The following GALNT8 variants were observed in gnomAD, a reference collection of about 807,000 sequenced individuals.
GALNT8 encodes the protein probable polypeptide N-acetylgalactosaminyltransferase 8.
A neutral mutation model predicts 62.7 loss-of-function variants in GALNT8; 66 were observed. That is an observed-to-expected ratio of 1.05 (90% confidence interval 0.86 to 1.29). GALNT8 has a LOEUF of 1.29. Ranked by LOEUF, GALNT8 falls within the 50% of genes most tolerant of loss-of-function variation. The pLI, the probability that GALNT8 is intolerant of heterozygous loss-of-function variation, is 0.00. For synonymous variants in GALNT8, 288 were observed against 294.3 expected (o/e 0.98, Z 0.22); for missense variants, 771 against 791.8 (o/e 0.97, Z 0.32).
chr12:4,766,765 A>C (rs187353406), intron 10 of GALNT8, among the ~76,000 whole-genome samples: 1 of 152,022 alleles, frequency 6.6e-6, no homozygotes, highest in Non-Finnish European at 1.5e-5. Context: ...TGAATGCGGT[A>C]CTATGCTTGG....
chr12:4,744,445 G>C (rs1946286593), intron 3 of GALNT8, 72 bp from the exon 4 acceptor site: 1 of 1,036,932 alleles, frequency 9.6e-7, no homozygotes, highest in South Asian at 1.6e-5. Context: ...ACTAATATAT[G>C]ATAGTATAAA....
intron 3 of GALNT8, among the ~76,000 whole-genome samples, chr12:4,741,520 C>T (rs1946272057): frequency 6.6e-6 from 1 of 151,660 alleles, no homozygotes; most frequent in South Asian, 2.1e-4. Context: ...GACTCAGGGT[C>T]TTCATGAGGC....
chr12:4,766,915 T>G (rs530252464), intron 10 of GALNT8, among the ~76,000 whole-genome samples: 93 of 151,692 alleles, frequency 6.1e-4, no homozygotes, highest in Non-Finnish European at 1.3e-3. Context: ...TTGCTTACAG[T>G]TTCAGAGGTT....
chr12:4,759,036 A>C (rs1022111193), intron 6 of GALNT8, among the ~76,000 whole-genome samples: 15 of 152,138 alleles, frequency 9.9e-5, no homozygotes, highest in African/African-American at 3.6e-4. Flanking sequence ...TCGGCCTCCC[A>C]AATTGCTGGG....
intron 4 of GALNT8, 44 bp downstream of exon 4, chr12:4,744,744 A>C (rs1946289230): frequency 2.2e-6 from 3 of 1,386,880 alleles, no homozygotes; most frequent in Non-Finnish European, 2.0e-6. Context: ...GGCAGAGAGG[A>C]GATATTGTGC....
intron 2 of GALNT8, among the ~76,000 whole-genome samples, chr12:4,728,659 A>G (rs1244130279): frequency 2.6e-5 from 4 of 152,112 alleles, no homozygotes; most frequent in East Asian, 3.8e-4. Flanking sequence ...ATTGAAATCA[A>G]TTGGTGATAA....
chr12:4,769,100 C>T (rs1295280990), intron 10 of GALNT8, among the ~76,000 whole-genome samples: 1 of 152,090 alleles, frequency 6.6e-6, no homozygotes, highest in Non-Finnish European at 1.5e-5. Context: ...AGATAGTGTG[C>T]CACTGAAATA....
At chr12:4,728,214 ATTTTT>A (rs35083515) in intron 2 of GALNT8, among the ~76,000 whole-genome samples, 2 of 149,790 alleles carry the variant, frequency 1.3e-5, no homozygotes, top group Non-Finnish European at 3.0e-5. Context: ...AAATTGGCTT[ATTTTT>A]TTTTTTATTA....
intron 3 of GALNT8, among the ~76,000 whole-genome samples, chr12:4,739,984 G>T (rs1006120389): frequency 1.3e-5 from 2 of 151,992 alleles, no homozygotes; most frequent in Non-Finnish European, 2.9e-5. Flanking sequence ...CCCCTCTTAT[G>T]CACCATGAAG....
At chr12:4,727,722 A>G (rs951817983) in intron 2 of GALNT8, among the ~76,000 whole-genome samples, 3 of 152,112 alleles carry the variant, frequency 2.0e-5, no homozygotes, top group African/African-American at 7.2e-5. Flanking sequence ...ATAATATTTC[A>G]TTGTCTGGAT....
intron 3 of GALNT8, among the ~76,000 whole-genome samples, chr12:4,742,957 G>A (rs1946278752): frequency 6.6e-6 from 1 of 152,126 alleles, no homozygotes; most frequent in Non-Finnish European, 1.5e-5. Flanking sequence ...AGAATCTATG[G>A]CTCATAAAAA....
At position 4,765,388 on chromosome 12, in the gene GALNT8, T is replaced by G; in HGVS notation, c.1603T>G (p.Tyr535Asp). Residue 535 changes from tyrosine (Y) to aspartate (D), a missense_variant, in exon 10 of 11, where the codon TAT becomes GAT. Physicochemically the swap from Tyr to Asp is radical, Grantham distance 160. Transcript: ENST00000252318. ...CHEFSSQNVYYHLTGELYVGQ... is the reference protein window; with the variant it reads ...CHEFSSQNVYDHLTGELYVGQ... ...TTTTTTTTTTTTTTAGAATGTCTACTATCACCTAACTGGGGAGCTCTATGT... is the reference window on the plus strand; with the variant it reads ...TTTTTTTTTTTTTTAGAATGTCTACGATCACCTAACTGGGGAGCTCTATGT... The G allele has an allele frequency of 1.2e-6, 1 of 822,380 alleles. No homozygotes were observed. The highest frequency in any genetic ancestry group is 2.0e-6 in the Non-Finnish European group (1 of 509,684). 50.9% of individuals were successfully genotyped at this position (822,380 alleles called of 1,614,324 possible).
Position 4,745,441 on chromosome 12 carries a change from C to G in GALNT8, c.873C>G (p.Ile291Met), listed in dbSNP as rs1288267343. 1.2e-6 allele frequency: 2 copies of G among 1,607,580 alleles called. No individual in the cohort carries two copies. Among genetic ancestry groups the G allele is most frequent in the African/African-American group, 1.3e-5 (1 of 74,794 alleles). The change falls in exon 5 of 11, where the codon ATC (isoleucine) becomes ATG (methionine). Residue 291 changes from isoleucine (I) to methionine (M), a missense_variant. Transcript: ENST00000252318. ...ACTCTTGTTCTAGGGCAGAGCCAAT[C>G]TTGGCTCGGATTCAGGAGGACCGCA... The part of the protein sequence containing the change: ...IEVNVGWAEP[I>M]LARIQEDRTV...
At chr12:4,740,614 G>A (rs1169969178) in intron 3 of GALNT8, among the ~76,000 whole-genome samples, 1 of 152,048 alleles carries the variant, frequency 6.6e-6, no homozygotes, top group African/African-American at 2.4e-5. Flanking sequence ...AGTAGAGATG[G>A]GGTTTCACCA....
intron 10 of GALNT8, among the ~76,000 whole-genome samples, chr12:4,765,777 A>G (rs1250954566): frequency 6.6e-6 from 1 of 152,182 alleles, no homozygotes; most frequent in Non-Finnish European, 1.5e-5. Context: ...CACTATGTCA[A>G]GAACACAAAA....
intron 6 of GALNT8, among the ~76,000 whole-genome samples, chr12:4,752,533 T>TG (rs1946326665): frequency 2.9e-5 from 4 of 140,272 alleles, no homozygotes; most frequent in Admixed American, 2.8e-4. Context: ...ACCAAACAAT[T>TG]GAAAAAAAAA....
chr12:4,756,087 G>A (rs1377013214), intron 6 of GALNT8, among the ~76,000 whole-genome samples: 1 of 152,206 alleles, frequency 6.6e-6, no homozygotes, highest in Non-Finnish European at 1.5e-5. Context: ...TGAAGAATTA[G>A]GGCCAATAAA....
rs1946390434 is a variant in GALNT8 at position 4,764,684 on chromosome 12, C to T, written c.1593+637C>T. On this transcript the variant is annotated intron_variant, in intron 9 of 10. Coordinates refer to ENST00000252318, the MANE Select transcript of GALNT8 (RefSeq NM_017417.2). ...TCAGCCTCCCTAGTAGCTGGGACTA[C>T]AGGCACCTGCCACCATGCCCGGCTA... Among the ~76,000 whole-genome samples, 7 of 151,390 alleles carry T rather than the reference C, an allele frequency of 4.6e-5. No homozygotes were observed. The South Asian group carries it at 1.5e-3, about 32-fold the overall frequency.
rs1473094499 is a variant in GALNT8 at position 4,749,007 on chromosome 12, T to C, written c.1173+2749T>C. On this transcript the variant is annotated intron_variant, in intron 6 of 10. Transcript: ENST00000252318. The surrounding 1 kb of genome is among the most constrained non-coding windows in gnomAD (Gnocchi z 4.1). Reference sequence around the variant, plus strand: ...TGGAATTACTTTTAAAGATTTCTTTTCAGATTGTTCACTATTGGCATAGAA... The same window carrying C: ...TGGAATTACTTTTAAAGATTTCTTTCCAGATTGTTCACTATTGGCATAGAA... Among the ~76,000 whole-genome samples, 1 of 152,208 alleles carries C rather than the reference T, an allele frequency of 6.6e-6. No individual in the cohort carries two copies. The highest frequency in any genetic ancestry group is 1.5e-5 in the Non-Finnish European group (1 of 68,014).
Sources: allele counts gnomAD v4.1 joint callset (sites outside exome capture counted in the v4.1 genomes callset), GRCh38; gene constraint gnomAD v4.1.1; non-coding constraint Gnocchi (gnomAD v3.1); transcripts MANE v1.5; gene names NCBI Gene and HGNC (gene_info 2026-07-23, HGNC 2026-07-21).